The following FLVCR2 variants were observed in gnomAD, a reference collection of about 807,000 sequenced individuals.
FLVCR2 encodes the protein FLVCR choline and putative heme transporter 2.
Under a neutral mutation model 48.9 loss-of-function variants are expected in FLVCR2, and 38 were observed. The ratio of observed to expected loss-of-function variants is 0.78; its 90% CI spans 0.60 to 1.02. The LOEUF (loss-of-function observed/expected upper bound fraction) is 1.02, where lower values mean the gene tolerates loss of function less well. FLVCR2 is among the 50% of genes least tolerant of loss of function. The probability of loss-of-function intolerance (pLI) is 0.00; values close to 1 mark genes in which losing one functional copy is unlikely to be tolerated. For missense variants in FLVCR2, 664 were observed against 663.3 expected, an observed-to-expected ratio of 1.00 and a Z score of -0.01; for synonymous variants, 255 against 257.0, an observed-to-expected ratio of 0.99 and a Z score of 0.07.
intron 1 of FLVCR2, among the ~76,000 whole-genome samples, chr14:75,593,433 TA>T (rs1292525303): frequency 6.6e-6 from 1 of 152,154 alleles, no homozygotes; most frequent in Non-Finnish European, 1.5e-5. Flanking sequence ...CAGAGAAGGT[TA>T]AAGGGCAAGT....
rs1430962715 is a variant in FLVCR2 at position 75,639,466 on chromosome 14, A to G, written c.1235+4A>G. On this transcript the variant is annotated splice_donor_region_variant and intron_variant, in intron 6 of 9. Transcript: ENST00000238667. ...TCATCACTGCTGGCACAATGGGGTA[A>G]GTTTCACCTCTGGCTGATTTATTAG... The G allele has an allele frequency of 6.3e-7, 1 of 1,584,500 alleles. No individual in the cohort carries two copies. The highest frequency in any genetic ancestry group is 1.3e-5 in the African/African-American group (1 of 74,316).
At position 75,579,063 on chromosome 14, in the gene FLVCR2, C is replaced by G. The variant is rs1035510024; in HGVS notation, c.91C>G (p.Pro31Ala). ...LQADPSVSVHPSVSVHPSVSI... is the reference protein window; with the variant it reads ...LQADPSVSVHASVSVHPSVSI... The stretch of plus-strand genomic sequence containing the variant: ...AGCGGACCCCAGCGTCTCGGTCCAT[C>G]CCAGCGTCTCGGTCCATCCCAGCGT... The change falls in exon 1 of 10, where the codon CCC (proline) becomes GCC (alanine). Residue 31 changes from proline (P) to alanine (A), a missense_variant. Transcript: ENST00000238667. The G allele has an allele frequency of 1.2e-6, 2 of 1,612,936 alleles. No homozygotes were observed. The highest frequency in any genetic ancestry group is 1.7e-6 in the Non-Finnish European group (2 of 1,179,368).
rs748183108 is a variant in FLVCR2, at chr14:75,624,749, T to A, written c.949T>A (p.Tyr317Asn). Residue 317 changes from tyrosine (Y) to asparagine (N), a missense_variant, in exon 3 of 10, where the codon TAT (tyrosine) becomes AAT (asparagine). Physicochemically the swap from Tyr to Asn is moderately radical, Grantham distance 143. Transcript: ENST00000238667. The part of the protein sequence containing the change: ...NLNFVLLVIT[Y>N]GLNAGAFYAL... ...CAACTTTGTGCTGCTTGTCATCACC[T>A]ATGGTAAGGTGTCAATGTGTCTAGG... 1 of 1,614,164 alleles carries A rather than the reference T, an allele frequency of 6.2e-7. No homozygotes were observed. Among genetic ancestry groups the A allele is most frequent in the East Asian group, 2.2e-5 (1 of 44,880 alleles).
Position 75,579,624 on chromosome 14 carries a change from G to C in FLVCR2, c.652G>C (p.Ala218Pro). ...ANEVSTACSV[A>P]VFGNQLGIAI... The stretch of plus-strand genomic sequence containing the variant: ...TGAGGTTTCAACAGCCTGCTCCGTG[G>C]CTGTCTTTGGCAATCAGGTAGGTAG... Residue 218 changes from alanine to proline, a missense_variant, in exon 1 of 10, where the codon GCT becomes CCT. By Grantham distance (27) the Ala-to-Pro change is conservative. Coordinates refer to ENST00000238667, the MANE Select transcript of FLVCR2 (RefSeq NM_017791.3). 3.7e-6 allele frequency: 6 copies of C among 1,614,098 alleles called. No homozygotes were observed. Among genetic ancestry groups the C allele is most frequent in the Non-Finnish European group, 5.1e-6 (6 of 1,180,034 alleles).
intron 1 of FLVCR2, among the ~76,000 whole-genome samples, chr14:75,582,214 GTT>G (rs1212035750): frequency 6.6e-6 from 1 of 152,160 alleles, no homozygotes; most frequent in Non-Finnish European, 1.5e-5. Context: ...CTTGAGAAGA[GTT>G]TTTATTAAGG....
intron 1 of FLVCR2, chr14:75,595,771 C>T: frequency 1.4e-6 from 1 of 699,884 alleles, no homozygotes; most frequent in Non-Finnish European, 2.6e-6. Flanking sequence ...GTGAAAAATC[C>T]ACAATGGCCA....
At chr14:75,616,190 G>A (rs1238549385) in intron 1 of FLVCR2, among the ~76,000 whole-genome samples, 1 of 151,830 alleles carries the variant, frequency 6.6e-6, no homozygotes, top group Admixed American at 6.6e-5. Context: ...AGCCAGGCAT[G>A]GTGTCATGAT....
At position 75,633,628 on chromosome 14, in the gene FLVCR2, G is replaced by A; in HGVS notation, c.953-1G>A. 1 of 1,613,662 alleles carries A rather than the reference G, an allele frequency of 6.2e-7. No individual in the cohort carries two copies. ...GTTGTATTTCTCGCTCCCTTCTTCA[G>A]GTCTGAATGCTGGTGCTTTTTATGC... On this transcript the variant is annotated splice_acceptor_variant, in intron 3 of 9. Coordinates refer to ENST00000238667, the MANE Select transcript of FLVCR2 (RefSeq NM_017791.3). LOFTEE classifies it high-confidence loss of function.
At position 75,634,945 on chromosome 14, in the gene FLVCR2, G is replaced by A. The variant is rs149377606; in HGVS notation, c.1056G>A (p.Thr352=). Residue 352 remains threonine (T), a synonymous_variant, in exon 5 of 10, where the codon ACG becomes ACA. Transcript: ENST00000238667. ...TGAATGCTGGAAGAATTGGCCTGAC[G>A]ATCGTCATTGCAGGAATGCTTGGGG... ...EEVNAGRIGL[T]IVIAGMLGAV... is the part of the protein sequence containing the mutation. 1.6e-5 allele frequency: 26 copies of A among 1,614,028 alleles called. No homozygotes were observed. In the East Asian group the frequency reaches 2.5e-4, roughly 15 times the overall value.
intron 1 of FLVCR2, among the ~76,000 whole-genome samples, chr14:75,592,336 C>G (rs952186652): frequency 1.7e-4 from 26 of 152,264 alleles, no homozygotes; most frequent in African/African-American, 6.0e-4. Context: ...CTAGGAGAAG[C>G]ATCCTGAGGT....
intron 3 of FLVCR2, 113 bp from the exon 4 acceptor site, chr14:75,633,514 CAG>C: frequency 1.2e-6 from 1 of 827,470 alleles, no homozygotes; most frequent in Non-Finnish European, 2.1e-6. Flanking sequence ...GGATACTGCT[CAG>C]AGTGGCAGTG....
intron 1 of FLVCR2, among the ~76,000 whole-genome samples, chr14:75,593,487 A>G (rs1888936568): frequency 1.3e-5 from 2 of 152,162 alleles, no homozygotes; most frequent in Non-Finnish European, 2.9e-5. Flanking sequence ...TCTTGGCTTT[A>G]AAACAACCCA....
intron 1 of FLVCR2, among the ~76,000 whole-genome samples, chr14:75,621,184 C>T (rs1021507704): frequency 5.3e-5 from 8 of 152,038 alleles, no homozygotes; most frequent in East Asian, 3.9e-4. Flanking sequence ...GAGGCCAAGA[C>T]GGGTGGATCA....
At chr14:75,636,028 C>T (rs1003366151) in intron 5 of FLVCR2, among the ~76,000 whole-genome samples, 2 of 152,164 alleles carry the variant, frequency 1.3e-5, no homozygotes, top group South Asian at 2.1e-4. Context: ...AATCCTCTGG[C>T]GAACAGCAGC....
Position 75,640,940 on chromosome 14 carries a change from TG to T in FLVCR2, c.1236-13del. On this transcript the variant is annotated splice_polypyrimidine_tract_variant and intron_variant, in intron 6 of 9. Coordinates refer to ENST00000238667, the MANE Select transcript of FLVCR2 (RefSeq NM_017791.3). Reference sequence around the variant, plus strand: ...GAAGTTCTTCATCCCCTTGTTTCTCTGGTCTGGTCTTCAGCTTCTTTATGAC... The same window carrying T: ...GAAGTTCTTCATCCCCTTGTTTCTCTGTCTGGTCTTCAGCTTCTTTATGAC... The T allele has an allele frequency of 6.3e-7, 1 of 1,586,322 alleles. No individual in the cohort carries two copies. The highest frequency in any genetic ancestry group is 8.7e-7 in the Non-Finnish European group (1 of 1,154,580).
chr14:75,623,743 G>C (rs969116379), intron 2 of FLVCR2, among the ~76,000 whole-genome samples: 23 of 152,076 alleles, frequency 1.5e-4, no homozygotes, highest in African/African-American at 5.6e-4. Flanking sequence ...CAGCCTTCCA[G>C]AGGTGATTTA....
intron 1 of FLVCR2, among the ~76,000 whole-genome samples, chr14:75,619,287 G>A (rs1237044102): frequency 6.6e-6 from 1 of 152,006 alleles, no homozygotes; most frequent in East Asian, 1.9e-4. Context: ...AAAAGATAAA[G>A]TGTATTACAT....
At chr14:75,631,686 G>C (rs746347740) in intron 3 of FLVCR2, 1 of 446,896 alleles carries the variant, frequency 2.2e-6, no homozygotes, top group Non-Finnish European at 4.5e-6. Flanking sequence ...GAGGCTTAGA[G>C]AGGAGCGGGA....
intron 1 of FLVCR2, among the ~76,000 whole-genome samples, chr14:75,609,868 A>G (rs1410151627): frequency 6.9e-6 from 1 of 145,034 alleles, no homozygotes; most frequent in African/African-American, 2.5e-5. Context: ...TTTATCTGTC[A>G]AAGGTCAGGG....
Sources: allele counts gnomAD v4.1 joint callset (sites outside exome capture counted in the v4.1 genomes callset), GRCh38; gene constraint gnomAD v4.1.1; transcripts MANE v1.5; gene names NCBI Gene and HGNC (gene_info 2026-07-23, HGNC 2026-07-21).